PAM: variants seen among roughly 807,000 people sequenced by gnomAD.
PAM encodes peptidyl-glycine alpha-amidating monooxygenase.
PAM carries 72 observed loss-of-function variants against 122.1 expected under a neutral mutation model. The ratio of observed to expected loss-of-function variants is 0.59; its 90% confidence interval spans 0.49 to 0.72. The LOEUF (loss-of-function observed/expected upper bound fraction) is 0.72, where lower values mean the gene tolerates loss of function less well. Among genes scored for constraint, PAM ranks in the 30% least tolerant of loss-of-function variants. The pLI is 0.00. For missense variants in PAM, 1,106 were observed against 1,183.7 expected (o/e 0.93, Z 0.96); for synonymous variants, 389 against 404.4 (o/e 0.96, Z 0.46).
chr5:103,026,526 T>G (rs963240964), intron 24 of PAM, among the ~76,000 whole-genome samples: 1 of 152,194 alleles, frequency 6.6e-6, no homozygotes, highest in African/African-American at 2.4e-5. Context: ...GGATTTCTAT[T>G]AAGTCCATGT....
At chr5:102,896,136 A>G (rs746858637) in intron 3 of PAM, among the ~76,000 whole-genome samples, 6 of 151,710 alleles carry the variant, frequency 4.0e-5, no homozygotes, top group Non-Finnish European at 8.9e-5. Flanking sequence ...TTGTTTACTC[A>G]TAAGTGAAAG....
At chr5:102,889,948 C>G (rs1794301587) in intron 3 of PAM, among the ~76,000 whole-genome samples, 1 of 151,934 alleles carries the variant, frequency 6.6e-6, no homozygotes, top group African/African-American at 2.4e-5. Flanking sequence ...TCTAAAGTTT[C>G]TGAGTGAAAA....
intron 1 of PAM, among the ~76,000 whole-genome samples, chr5:102,788,653 C>T (rs536406491): frequency 1.3e-5 from 2 of 152,158 alleles, no homozygotes; most frequent in South Asian, 4.2e-4. Context: ...CACTGAGTAA[C>T]AGATCATAAC....
intron 21 of PAM, among the ~76,000 whole-genome samples, chr5:103,014,668 C>A (rs1224185301): frequency 6.6e-6 from 1 of 152,212 alleles, no homozygotes; most frequent in African/African-American, 2.4e-5. Flanking sequence ...TCTCCTCTTA[C>A]ATTTCAGTTC....
intron 7 of PAM, among the ~76,000 whole-genome samples, chr5:102,935,862 C>T (rs1173970327): frequency 6.6e-6 from 1 of 152,040 alleles, no homozygotes; most frequent in Non-Finnish European, 1.5e-5. Context: ...CCTTGGGGTA[C>T]TTTTTAAAAT....
At chr5:102,999,995 A>G (rs963775859) in intron 16 of PAM, among the ~76,000 whole-genome samples, 1 of 152,158 alleles carries the variant, frequency 6.6e-6, no homozygotes, top group African/African-American at 2.4e-5. Flanking sequence ...TGGCTTGAAT[A>G]TCTCCTCAGA....
chr5:102,918,864 C>T (rs920836925), intron 5 of PAM, among the ~76,000 whole-genome samples: 4 of 151,996 alleles, frequency 2.6e-5, no homozygotes, highest in South Asian at 2.1e-4. Flanking sequence ...ATGATTAAAA[C>T]GAGTGGGCTT....
chr5:102,770,560 G>A lies in PAM; in HGVS notation c.-374+15212G>A, dbSNP rs539144873. 7.9e-5 allele frequency among the ~76,000 whole-genome samples: 12 copies of A among 152,176 alleles called. No homozygotes were observed. In the South Asian group the frequency reaches 1.7e-3, roughly 21 times the overall value. The stretch of plus-strand genomic sequence containing the variant: ...TCCTTCTAGACCCAGTTTTCTGTGA[G>A]TTTTTATCATGAAAGTACATTGAAT... On this transcript the variant is annotated intron_variant, in intron 1 of 25. Coordinates refer to ENST00000438793, the MANE Select transcript of PAM (RefSeq NM_001177306.2).
chr5:102,919,678 A>G (rs769955326), intron 5 of PAM, among the ~76,000 whole-genome samples: 1 of 152,160 alleles, frequency 6.6e-6, no homozygotes, highest in Admixed American at 6.6e-5. Flanking sequence ...ATAGGCTAAA[A>G]TTAATAGCAT....
At chr5:102,961,316 A>G (rs1053566771) in intron 14 of PAM, 87 bp downstream of exon 14, 1 of 751,488 alleles carries the variant, frequency 1.3e-6, no homozygotes, top group Non-Finnish European at 2.4e-6. Flanking sequence ...GAGATATTGT[A>G]TGTCTCTCTG....
intron 16 of PAM, among the ~76,000 whole-genome samples, 154 bp downstream of exon 16, chr5:102,990,555 G>A (rs1773751459): frequency 6.6e-6 from 1 of 152,206 alleles, no homozygotes; most frequent in African/African-American, 2.4e-5. Flanking sequence ...ATGTCTGACT[G>A]TAGTAAGTAG....
At chr5:102,820,579 T>C (rs73189014) in intron 1 of PAM, among the ~76,000 whole-genome samples, 2,158 of 152,242 alleles carry the variant, frequency 0.014, 44 homozygotes, top group African/African-American at 0.05. Flanking sequence ...AAGATAACTA[T>C]TTCATTGTCC....
At chr5:102,812,555 A>C (rs1368149903) in intron 1 of PAM, among the ~76,000 whole-genome samples, 1 of 152,146 alleles carries the variant, frequency 6.6e-6, no homozygotes, top group Non-Finnish European at 1.5e-5. Context: ...AGAAAAACTA[A>C]ATAGTACCTT....
chr5:102,755,142 T>A (rs1369140515), upstream of PAM: 2 of 152,310 alleles, frequency 1.3e-5, no homozygotes, highest in Non-Finnish European at 2.9e-5. Context: ...GGGGAGGGAC[T>A]GAGACCTGCC....
chr5:103,016,994 CAATAT>C (rs1229557533), intron 21 of PAM, among the ~76,000 whole-genome samples: 1 of 151,970 alleles, frequency 6.6e-6, no homozygotes, highest in Non-Finnish European at 1.5e-5. Flanking sequence ...AGGCAAAAAC[CAATAT>C]AAATAACTAG....
At chr5:102,911,127 T>G (rs1801276040) in intron 4 of PAM, among the ~76,000 whole-genome samples, 1 of 151,996 alleles carries the variant, frequency 6.6e-6, no homozygotes, top group South Asian at 2.1e-4. Context: ...TACATTTTGA[T>G]TTGACATTCC....
At chr5:102,933,079 A>T (rs1023022332) in intron 7 of PAM, among the ~76,000 whole-genome samples, 1 of 152,206 alleles carries the variant, frequency 6.6e-6, no homozygotes, top group African/African-American at 2.4e-5. Context: ...TAATAACCGT[A>T]ATAATGCGAG....
intron 3 of PAM, among the ~76,000 whole-genome samples, chr5:102,879,860 T>C (rs2151109360): frequency 6.6e-6 from 1 of 152,344 alleles, no homozygotes; most frequent in South Asian, 2.1e-4. Context: ...CTAGAAGTAA[T>C]AGTCCATACC....
chr5:102,922,557 T>C lies in PAM; in HGVS notation c.357-2400T>C, dbSNP rs112302238. On this transcript the variant is annotated intron_variant, in intron 5 of 25. Transcript: ENST00000438793. Reference sequence around the variant, plus strand: ...ATTTTGATTTTATTTTTGGGAAGCATTTGAACGATTTTGAGCCAACAAATG... The same window carrying C: ...ATTTTGATTTTATTTTTGGGAAGCACTTGAACGATTTTGAGCCAACAAATG... 5.1e-3 allele frequency among the ~76,000 whole-genome samples: 772 copies of C among 152,252 alleles called. 7 individuals are homozygous for C. The highest frequency in any genetic ancestry group is 0.018 in the African/African-American group (739 of 41,544).
Sources: gnomAD v4.1 joint callset for allele counts (sites outside exome capture counted in the v4.1 genomes callset) on GRCh38, gnomAD v4.1.1 for gene constraint, MANE v1.5 for transcripts, NCBI Gene and HGNC (gene_info 2026-07-23, HGNC 2026-07-21) for gene names.